Variants in CHODL observed in about 807,000 individuals in gnomAD.
The protein encoded by CHODL is chondrolectin.
In CHODL, 29 loss-of-function variants were observed where a neutral mutation model predicts 34.5. The ratio of observed to expected loss-of-function variants is 0.84; its 90% CI spans 0.63 to 1.15. CHODL has a LOEUF of 1.15. Among genes scored for constraint, CHODL ranks in the 50% most tolerant of loss-of-function variants. The pLI, the probability that CHODL is intolerant of heterozygous loss-of-function variation, is 0.00. For missense variants in CHODL, 332 were observed against 332.5 expected (o/e 1.00, Z 0.01); for synonymous variants, 125 against 116.1 (o/e 1.08, Z -0.49).
intron 1 of CHODL, among the ~76,000 whole-genome samples, chr21:17,950,197 A>G (rs2063444546): frequency 6.6e-6 from 1 of 152,128 alleles, no homozygotes; most frequent in African/African-American, 2.4e-5. Flanking sequence ...CACAAATGAC[A>G]TACATTATAA....
chr21:18,264,626 A>G (rs1271274261), intron 5 of CHODL, among the ~76,000 whole-genome samples: 4 of 144,868 alleles, frequency 2.8e-5, no homozygotes, highest in African/African-American at 1.0e-4. Flanking sequence ...AAAAAAAAAG[A>G]GAGAGAGAAT....
chr21:17,949,467 T>C (rs2146339929), intron 1 of CHODL, among the ~76,000 whole-genome samples: 1 of 152,282 alleles, frequency 6.6e-6, no homozygotes, highest in Middle Eastern at 3.4e-3. Flanking sequence ...AAGAAATAAA[T>C]TCAGTCAAAA....
At chr21:18,215,943 CAAAG>C (rs1348387967) in intron 2 of CHODL, among the ~76,000 whole-genome samples, 1 of 152,172 alleles carries the variant, frequency 6.6e-6, no homozygotes, top group African/African-American at 2.4e-5. Context: ...AAGCAATTAA[CAAAG>C]AGGTTTTTAA....
chr21:17,919,534 A>T (rs1355064815), intron 1 of CHODL, among the ~76,000 whole-genome samples: 1 of 152,166 alleles, frequency 6.6e-6, no homozygotes, highest in Non-Finnish European at 1.5e-5. Context: ...TACACAGCAG[A>T]GGGACCCTAG....
At chr21:18,216,429 A>G (rs2073828762) in intron 2 of CHODL, among the ~76,000 whole-genome samples, 2 of 151,906 alleles carry the variant, frequency 1.3e-5, no homozygotes, top group African/African-American at 4.8e-5. Flanking sequence ...CTCTTCATTT[A>G]TTCTTCCCCA....
intron 2 of CHODL, among the ~76,000 whole-genome samples, chr21:18,189,752 A>G (rs183316053): frequency 6.7e-6 from 1 of 150,132 alleles, no homozygotes; most frequent in East Asian, 2.0e-4. Context: ...CTCCTGTCTC[A>G]GCCTCCTGAA....
chr21:18,193,801 T>G (rs1005890456), intron 2 of CHODL, among the ~76,000 whole-genome samples: 2 of 152,080 alleles, frequency 1.3e-5, no homozygotes, highest in Non-Finnish European at 2.9e-5. Flanking sequence ...AAACTCATCA[T>G]TCAAGATTTA....
chr21:17,983,560 C>T (rs1303889733), intron 1 of CHODL, among the ~76,000 whole-genome samples: 2 of 152,084 alleles, frequency 1.3e-5, no homozygotes, highest in South Asian at 2.1e-4. Context: ...AGTTTTTCAT[C>T]TTTGTTAATC....
At chr21:17,952,388 A>T (rs570323480) in intron 1 of CHODL, among the ~76,000 whole-genome samples, 25 of 152,220 alleles carry the variant, frequency 1.6e-4, no homozygotes, top group African/African-American at 5.8e-4. Context: ...GATAAGGATG[A>T]TGGCTGTCTT....
chr21:17,967,516 T>C (rs2063581757), intron 1 of CHODL, among the ~76,000 whole-genome samples: 1 of 152,216 alleles, frequency 6.6e-6, no homozygotes, highest in Non-Finnish European at 1.5e-5. Context: ...ATTGGGACTC[T>C]AGATTTACCT....
At chr21:18,062,635 G>A (rs1179554688) in intron 2 of CHODL, among the ~76,000 whole-genome samples, 1 of 152,058 alleles carries the variant, frequency 6.6e-6, no homozygotes, top group Non-Finnish European at 1.5e-5. Context: ...ATGTGGTGGT[G>A]CCCACCTGTA....
chr21:18,076,989 C>A (rs1427354226), intron 2 of CHODL, among the ~76,000 whole-genome samples: 1 of 152,194 alleles, frequency 6.6e-6, no homozygotes, highest in Non-Finnish European at 1.5e-5. Flanking sequence ...TTGTTTGGAA[C>A]CTTGGCGGCC....
Position 18,244,986 on chromosome 21 carries a change from A to G in CHODL, c.-238A>G. 2.2e-6 allele frequency: 1 copy of G among 454,670 alleles called. No homozygotes were observed. The highest frequency in any genetic ancestry group is 3.9e-6 in the Non-Finnish European group (1 of 259,410). 28.2% of individuals were successfully genotyped at this position (454,670 alleles called of 1,614,324 possible). A position where few individuals can be genotyped will look rare whatever the true frequency, so the allele number is the denominator to read the frequency against. On this transcript the variant is annotated 5_prime_UTR_variant, in exon 1 of 6. Coordinates refer to ENST00000299295, the MANE Select transcript of CHODL (RefSeq NM_024944.3). ...GGGACCCCCTAACTTCAGTCCCCCA[A>G]ACGCGCACCCTCGAAGTCTTGAACT... is the stretch of plus-strand genomic sequence containing the variant.
chr21:17,991,201 A>C (rs574975986), intron 1 of CHODL, among the ~76,000 whole-genome samples: 1 of 152,142 alleles, frequency 6.6e-6, no homozygotes, highest in African/African-American at 2.4e-5. Context: ...TTATCCATTC[A>C]TCATTGATGG....
Position 18,266,303 on chromosome 21 carries a change from C to A in CHODL, c.*265C>A. The A allele has an allele frequency of 1.9e-6, 2 of 1,068,080 alleles. No individual in the cohort carries two copies. Among genetic ancestry groups the A allele is most frequent in the Non-Finnish European group, 2.6e-6 (2 of 767,960 alleles). 66.2% of individuals were successfully genotyped at this position (1,068,080 alleles called of 1,614,324 possible). ...CTTCAAGCAAATGAAATGGACAATGCAGATAAAGTTGTTATCAACACGTCG... is the reference window on the plus strand; with the variant it reads ...CTTCAAGCAAATGAAATGGACAATGAAGATAAAGTTGTTATCAACACGTCG... On this transcript the variant is annotated 3_prime_UTR_variant, in exon 6 of 6. Transcript: ENST00000299295.
intron 3 of CHODL, among the ~76,000 whole-genome samples, chr21:18,259,252 T>TA (rs2074351888): frequency 6.6e-6 from 1 of 152,186 alleles, no homozygotes; most frequent in South Asian, 2.1e-4. Flanking sequence ...GGCTTTTTTT[T>TA]AAATAATTCA....
intron 1 of CHODL, among the ~76,000 whole-genome samples, chr21:17,979,608 A>C (rs924095500): frequency 1.3e-5 from 2 of 152,228 alleles, no homozygotes; most frequent in African/African-American, 4.8e-5. Context: ...GGCTGAGTAA[A>C]GAGCGTTGGA....
intron 2 of CHODL, among the ~76,000 whole-genome samples, chr21:18,211,935 G>A (rs991765170): frequency 6.6e-6 from 1 of 152,128 alleles, no homozygotes. Context: ...TCTATTAAGA[G>A]TGGTAGTGAA....
At chr21:18,035,758 A>G (rs1361309029) in intron 2 of CHODL, among the ~76,000 whole-genome samples, 1 of 151,570 alleles carries the variant, frequency 6.6e-6, no homozygotes, top group Non-Finnish European at 1.5e-5. Context: ...TTAATCTCAG[A>G]TGTTAAAGTT....
Sources: gnomAD v4.1 joint callset for allele counts (sites outside exome capture counted in the v4.1 genomes callset) on GRCh38, gnomAD v4.1.1 for gene constraint, MANE v1.5 for transcripts, NCBI Gene and HGNC (gene_info 2026-07-23, HGNC 2026-07-21) for gene names.